SNX29: variants seen among roughly 807,000 people sequenced by gnomAD.
The protein encoded by SNX29 is sorting nexin-29.
Under a neutral mutation model 102.1 loss-of-function variants are expected in SNX29, and 78 were observed. The ratio of observed to expected loss-of-function variants is 0.76; its 90% confidence interval spans 0.64 to 0.92. The LOEUF is 0.92. Ranked by LOEUF, SNX29 falls within the 40% of genes least tolerant of loss-of-function variation. The pLI, the probability that SNX29 is intolerant of heterozygous loss-of-function variation, is 0.00. For missense variants in SNX29, 1,280 were observed against 1,061.7 expected (o/e 1.21, Z -2.86); for synonymous variants, 580 against 414.5 (o/e 1.40, Z -4.85).
intron 20 of SNX29, among the ~76,000 whole-genome samples, chr16:12,567,651 G>C (rs952144159): frequency 6.6e-6 from 1 of 152,096 alleles, no homozygotes; most frequent in Non-Finnish European, 1.5e-5. Context: ...AGTCCCAGCT[G>C]CTCAGGAGGC....
At chr16:12,564,571 C>T (rs891581383) in intron 20 of SNX29, among the ~76,000 whole-genome samples, 2 of 152,188 alleles carry the variant, frequency 1.3e-5, no homozygotes, top group Non-Finnish European at 2.9e-5. Flanking sequence ...TATGGATTGC[C>T]ATCCAGACGC....
At chr16:12,426,976 G>A (rs1361466648) in intron 18 of SNX29, among the ~76,000 whole-genome samples, 1 of 152,168 alleles carries the variant, frequency 6.6e-6, no homozygotes, top group African/African-American at 2.4e-5. Context: ...CAGTATTGTA[G>A]ATCTAATATG....
At chr16:11,993,198 T>TAA (rs1267535533) in intron 1 of SNX29, among the ~76,000 whole-genome samples, 1 of 151,766 alleles carries the variant, frequency 6.6e-6, no homozygotes, top group Non-Finnish European at 1.5e-5. Context: ...AATAAATAAA[T>TAA]ATCTGTGTGG....
intron 16 of SNX29, among the ~76,000 whole-genome samples, chr16:12,398,154 C>G (rs12448282): frequency 6.6e-6 from 1 of 152,124 alleles, no homozygotes; most frequent in South Asian, 2.1e-4. Context: ...AGGCCTTTAT[C>G]GCTCCAAAAT....
chr16:12,169,717 C>A (rs1337085622), intron 13 of SNX29, among the ~76,000 whole-genome samples: 2 of 151,996 alleles, frequency 1.3e-5, no homozygotes, highest in Admixed American at 6.5e-5. Context: ...AAAAATTAGC[C>A]GGGAATGGTT....
intron 20 of SNX29, among the ~76,000 whole-genome samples, chr16:12,561,650 C>A (rs557347468): frequency 6.6e-6 from 1 of 152,218 alleles, no homozygotes; most frequent in Non-Finnish European, 1.5e-5. Context: ...AACAGCCACT[C>A]CTGGGGCCCT....
At chr16:12,541,626 G>T (rs776591444) in intron 20 of SNX29, among the ~76,000 whole-genome samples, 31 of 152,128 alleles carry the variant, frequency 2.0e-4, no homozygotes, top group Non-Finnish European at 3.5e-4. Context: ...CTCTGTCGGG[G>T]TCCATCGCAT....
intron 15 of SNX29, among the ~76,000 whole-genome samples, chr16:12,317,472 G>T (rs1371401069): frequency 6.6e-6 from 1 of 152,228 alleles, no homozygotes; most frequent in East Asian, 1.9e-4. Flanking sequence ...ATCCTAGGGT[G>T]ACTTGAGAAC....
At chr16:12,497,111 G>A (rs894329185) in intron 19 of SNX29, among the ~76,000 whole-genome samples, 1 of 152,172 alleles carries the variant, frequency 6.6e-6, no homozygotes, top group Non-Finnish European at 1.5e-5. Context: ...GTTATCTCCA[G>A]GACCAATGAC....
chr16:12,317,327 C>T (rs937860424), intron 15 of SNX29, among the ~76,000 whole-genome samples: 14 of 152,296 alleles, frequency 9.2e-5, no homozygotes, highest in African/African-American at 3.4e-4. Flanking sequence ...GGTGGCTCCC[C>T]TCGTCTTCCC....
chr16:12,303,897 G>A (rs2080258212), intron 15 of SNX29, among the ~76,000 whole-genome samples: 2 of 152,206 alleles, frequency 1.3e-5, no homozygotes, highest in East Asian at 1.9e-4. Context: ...GTACTTAGCT[G>A]TACTCTCCCT....
intron 20 of SNX29, among the ~76,000 whole-genome samples, chr16:12,552,297 CCT>C (rs1567181732): frequency 6.6e-6 from 1 of 152,168 alleles, no homozygotes; most frequent in Admixed American, 6.5e-5. Flanking sequence ...GCCTCAGTTT[CCT>C]CTTCTAGAAG....
Position 12,277,964 on chromosome 16 carries a change from T to C in SNX29, c.1710T>C (p.Val570=). Residue 570 remains valine, a synonymous_variant, in exon 15 of 21, where the codon GTT becomes GTC. Transcript: ENST00000566228. ...VPNLWSVDGE[V]TVAEQKPGEI... The stretch of plus-strand genomic sequence containing the variant: ...ATCTTTGGAGTGTTGATGGAGAAGT[T>C]ACAGTAGCTGAACAGAAGCCGGGAG... The C allele has an allele frequency of 6.2e-7, 1 of 1,609,524 alleles. No homozygotes were observed. The highest frequency in any genetic ancestry group is 8.5e-7 in the Non-Finnish European group (1 of 1,177,922).
chr16:12,547,735 C>T (rs1007640781), intron 20 of SNX29, among the ~76,000 whole-genome samples: 1 of 152,158 alleles, frequency 6.6e-6, no homozygotes, highest in Non-Finnish European at 1.5e-5. Flanking sequence ...ATCACTGCCC[C>T]TCTAAGCCTC....
At chr16:12,284,861 A>G (rs1403611831) in intron 15 of SNX29, among the ~76,000 whole-genome samples, 2 of 151,992 alleles carry the variant, frequency 1.3e-5, no homozygotes, top group South Asian at 2.1e-4. Flanking sequence ...AGTAGCTGAG[A>G]TTACAGATGC....
intron 3 of SNX29, among the ~76,000 whole-genome samples, chr16:12,025,111 G>A (rs2057150755): frequency 6.6e-6 from 1 of 152,122 alleles, no homozygotes; most frequent in South Asian, 2.1e-4. Context: ...AGACCAGCCT[G>A]GCCGACATGG....
At position 12,524,723 on chromosome 16, in the gene SNX29, C is replaced by T. The variant is rs754867622; in HGVS notation, c.2200C>T (p.Arg734Trp). 11 of 1,613,352 alleles carry T rather than the reference C, an allele frequency of 6.8e-6. No individual in the cohort carries two copies. Among genetic ancestry groups the T allele is most frequent in the Non-Finnish European group, 8.5e-6 (10 of 1,179,686 alleles). Residue 734 changes from arginine (R) to tryptophan (W), a missense_variant, in exon 20 of 21, where the codon CGG becomes TGG. Transcript: ENST00000566228. Reference sequence around the variant, plus strand: ...TCAGGATGCCAAGTTTGTGGAGGAACGGAGAAAGCAGCTCCAGAATTACCT... The same window carrying T: ...TCAGGATGCCAAGTTTGTGGAGGAATGGAGAAAGCAGCTCCAGAATTACCT... ...GNKDAKFVEE[R>W]RKQLQNYLRS...
intron 1 of SNX29, among the ~76,000 whole-genome samples, chr16:11,990,690 G>C (rs931013551): frequency 1.4e-4 from 22 of 152,128 alleles, no homozygotes; most frequent in African/African-American, 5.3e-4. Context: ...ACAACAGGTT[G>C]ATGATGTCCT....
intron 18 of SNX29, among the ~76,000 whole-genome samples, chr16:12,461,414 A>G (rs1199587440): frequency 2.0e-5 from 3 of 152,176 alleles, no homozygotes; most frequent in South Asian, 4.1e-4. Flanking sequence ...TCCTGCCTGC[A>G]TGGAATTTTG....
Sources: allele counts gnomAD v4.1 joint callset (sites outside exome capture counted in the v4.1 genomes callset), GRCh38; gene constraint gnomAD v4.1.1; transcripts MANE v1.5; gene names NCBI Gene and HGNC (gene_info 2026-07-23, HGNC 2026-07-21).